The following CNTN4 variants were observed in gnomAD, a reference collection of about 807,000 sequenced individuals.
The protein encoded by CNTN4 is contactin-4.
Under a neutral mutation model 122.5 loss-of-function variants are expected in CNTN4, and 77 were observed. The ratio of observed to expected loss-of-function variants is 0.63; its 90% CI spans 0.52 to 0.76. The LOEUF (loss-of-function observed/expected upper bound fraction) is 0.76. CNTN4 is among the 30% of genes least tolerant of loss of function. The pLI is 0.00. For synonymous variants in CNTN4, 512 were observed against 447.0 expected (o/e 1.15, Z -1.83); for missense variants, 1,256 against 1,259.1 (o/e 1.00, Z 0.04).
intron 6 of CNTN4, among the ~76,000 whole-genome samples, chr3:2,749,054 C>T (rs894664774): frequency 1.3e-5 from 2 of 152,166 alleles, no homozygotes; most frequent in Non-Finnish European, 2.9e-5. Flanking sequence ...TTCCGTGTCA[C>T]CCTGTCTAAC....
At chr3:2,747,250 A>G (rs905081949) in intron 6 of CNTN4, among the ~76,000 whole-genome samples, 7 of 151,518 alleles carry the variant, frequency 4.6e-5, no homozygotes, top group South Asian at 2.1e-4. Context: ...TCTACTAAAA[A>G]TACAAAAAAT....
chr3:2,191,399 G>A (rs1220194004), intron 2 of CNTN4, among the ~76,000 whole-genome samples: 1 of 151,964 alleles, frequency 6.6e-6, no homozygotes, highest in Non-Finnish European at 1.5e-5. Flanking sequence ...GATACAAGCT[G>A]GAGAAAGGTG....
chr3:2,863,561 T>G (rs1282914835), intron 7 of CNTN4, among the ~76,000 whole-genome samples: 1 of 152,058 alleles, frequency 6.6e-6, no homozygotes. Flanking sequence ...GTTGTTCTAT[T>G]TAATATTAAT....
chr3:2,757,779 G>A (rs2090403759), intron 6 of CNTN4, among the ~76,000 whole-genome samples: 1 of 152,054 alleles, frequency 6.6e-6, no homozygotes, highest in Non-Finnish European at 1.5e-5. Flanking sequence ...AAATTCAAGG[G>A]CATCATGAAA....
intron 3 of CNTN4, among the ~76,000 whole-genome samples, chr3:2,475,770 T>C (rs1446795233): frequency 6.6e-6 from 1 of 152,146 alleles, no homozygotes; most frequent in Non-Finnish European, 1.5e-5. Flanking sequence ...TTCTCAAAGA[T>C]GAGAAAACTG....
At position 2,124,909 on chromosome 3, in the gene CNTN4, A is replaced by G. The variant is rs542300111; in HGVS notation, c.-145+24270A>G. ...TCAGTACAATTAAGGTAATAAATAT[A>G]TCTATTATCTCCAGAAGTTTCTTCC... On this transcript the variant is annotated intron_variant, in intron 2 of 24. Coordinates refer to ENST00000418658, the MANE Select transcript of CNTN4 (RefSeq NM_175607.3). Among the ~76,000 whole-genome samples the G allele has an allele frequency of 4.6e-5, 7 of 152,298 alleles. No homozygotes were observed. The South Asian group carries it at 1.5e-3, about 32-fold the overall frequency.
intron 2 of CNTN4, among the ~76,000 whole-genome samples, chr3:2,294,976 T>C (rs1429148451): frequency 1.3e-5 from 2 of 152,060 alleles, no homozygotes; most frequent in Non-Finnish European, 2.9e-5. Context: ...TGGTTTCCAA[T>C]TTCATCCATG....
At chr3:2,458,081 T>C (rs1230016057) in intron 3 of CNTN4, among the ~76,000 whole-genome samples, 2 of 152,152 alleles carry the variant, frequency 1.3e-5, no homozygotes, top group Non-Finnish European at 2.9e-5. Flanking sequence ...GGAGCCATTC[T>C]CTACAGCATT....
intron 3 of CNTN4, among the ~76,000 whole-genome samples, chr3:2,500,929 CT>C (rs934822334): frequency 1.1e-4 from 17 of 152,202 alleles, no homozygotes; most frequent in South Asian, 6.2e-4. Flanking sequence ...TTCAAGTCCT[CT>C]TTTTTCCCCC....
intron 3 of CNTN4, among the ~76,000 whole-genome samples, chr3:2,534,410 G>T (rs2077718926): frequency 6.6e-6 from 1 of 152,094 alleles, no homozygotes; most frequent in Non-Finnish European, 1.5e-5. Context: ...AAGATGTGTG[G>T]TATTATTTCT....
intron 2 of CNTN4, among the ~76,000 whole-genome samples, chr3:2,174,263 A>T (rs1281047560): frequency 6.6e-6 from 1 of 152,174 alleles, no homozygotes; most frequent in Non-Finnish European, 1.5e-5. Context: ...ATACCCCTAG[A>T]TGGAGGTGTA....
intron 3 of CNTN4, among the ~76,000 whole-genome samples, chr3:2,477,249 G>A (rs1180116514): frequency 6.6e-6 from 1 of 152,298 alleles, no homozygotes; most frequent in South Asian, 2.1e-4. Context: ...ACAGGATTCA[G>A]GCCAAAACTG....
chr3:2,518,512 T>C (rs1246134663), intron 3 of CNTN4, among the ~76,000 whole-genome samples: 2 of 152,152 alleles, frequency 1.3e-5, no homozygotes, highest in African/African-American at 2.4e-5. Flanking sequence ...TGACAGTTCT[T>C]CTAATATATC....
chr3:2,603,121 A>C (rs1249168191), intron 4 of CNTN4, among the ~76,000 whole-genome samples: 1 of 152,190 alleles, frequency 6.6e-6, no homozygotes, highest in African/African-American at 2.4e-5. Context: ...CTGCCAAAAA[A>C]AAAAATTTCT....
chr3:2,244,989 T>C (rs2040085979), intron 2 of CNTN4, among the ~76,000 whole-genome samples: 1 of 152,088 alleles, frequency 6.6e-6, no homozygotes, highest in East Asian at 1.9e-4. Flanking sequence ...TACTGTAATA[T>C]TTTAATTAAA....
At chr3:2,190,549 G>A (rs1178474730) in intron 2 of CNTN4, among the ~76,000 whole-genome samples, 1 of 151,406 alleles carries the variant, frequency 6.6e-6, no homozygotes, top group Non-Finnish European at 1.5e-5. Context: ...TTTAGAACTG[G>A]GTACCAAACA....
chr3:2,702,995 G>A (rs889224942), intron 4 of CNTN4, among the ~76,000 whole-genome samples: 1 of 152,138 alleles, frequency 6.6e-6, no homozygotes, highest in Non-Finnish European at 1.5e-5. Context: ...TGTTCTTCTG[G>A]TAATTTCTGT....
chr3:2,226,499 T>C (rs1295942561), intron 2 of CNTN4, among the ~76,000 whole-genome samples: 1 of 152,190 alleles, frequency 6.6e-6, no homozygotes, highest in African/African-American at 2.4e-5. Flanking sequence ...TCTTCTACAC[T>C]GCTGGTTAAC....
chr3:2,658,307 C>T (rs564822510), intron 4 of CNTN4, among the ~76,000 whole-genome samples: 198 of 151,776 alleles, frequency 1.3e-3, no homozygotes, highest in Non-Finnish European at 2.5e-3. Context: ...TTCCTTTCAC[C>T]CAATAAAACC....
Sources: allele counts gnomAD v4.1 joint callset (sites outside exome capture counted in the v4.1 genomes callset), GRCh38; gene constraint gnomAD v4.1.1; transcripts MANE v1.5; gene names NCBI Gene and HGNC (gene_info 2026-07-23, HGNC 2026-07-21).